Variants in LAMA4 observed in about 807,000 individuals in gnomAD.
The protein encoded by LAMA4 is laminin subunit alpha-4.
In LAMA4, 127 loss-of-function variants were observed where a neutral mutation model predicts 207.1. The ratio of observed to expected loss-of-function variants is 0.61; its 90% confidence interval spans 0.53 to 0.71. The LOEUF (loss-of-function observed/expected upper bound fraction) is 0.71, where lower values mean the gene tolerates loss of function less well. Among genes scored for constraint, LAMA4 ranks in the 30% least tolerant of loss-of-function variants. The pLI is 0.00. For synonymous variants in LAMA4, 761 were observed against 816.0 expected, an observed-to-expected ratio of 0.93 and a Z score of 1.15; for missense variants, 2,093 against 2,246.5, an observed-to-expected ratio of 0.93 and a Z score of 1.38.
At chr6:112,155,751 G>T (rs1554336811) in intron 14 of LAMA4, 45 bp from the exon 15 acceptor site, 1 of 1,599,940 alleles carries the variant, frequency 6.3e-7, no homozygotes, top group East Asian at 2.2e-5. Flanking sequence ...TACCTTCTTG[G>T]GGAATGGGGC....
intron 8 of LAMA4, chr6:112,186,921 C>T (rs1554346830): frequency 2.2e-6 from 1 of 454,512 alleles, no homozygotes; most frequent in African/African-American, 2.0e-5. Flanking sequence ...TGAGGAGAAA[C>T]AAGGTGTGTG....
At chr6:112,139,397 C>A (rs781935676) in intron 23 of LAMA4, 106 bp from the exon 24 acceptor site, 1 of 1,213,182 alleles carries the variant, frequency 8.2e-7, no homozygotes, top group Non-Finnish European at 1.2e-6. Context: ...GACCTTACAA[C>A]ATTTAAATGA....
Position 112,132,881 on chromosome 6 carries a change from T to C in LAMA4, c.3706A>G (p.Arg1236Gly), listed in dbSNP as rs781792554. ...AAGCTCTGTCCATTGAAATATGCTC[T>C]GCGAGATATCTGTGTGCCAGAACAA... The part of the protein sequence containing the change: ...GCPEDSLISR[R>G]AYFNGQSFIA... Residue 1236 changes from arginine to glycine, a missense_variant, in exon 28 of 39, where the codon AGA becomes GGA. Physicochemically the swap from Arg to Gly is moderately radical, Grantham distance 125 (BLOSUM62 -2). Around this residue, in one of 3 missense-constraint regions of LAMA4, gnomAD observed 1,704 missense variants for 1,788.4 expected, o/e 0.95. Coordinates refer to ENST00000230538, the MANE Select transcript of LAMA4 (RefSeq NM_001105206.3). 6.2e-7 allele frequency: 1 copy of C among 1,613,048 alleles called. No individual in the cohort carries two copies. Among genetic ancestry groups the C allele is most frequent in the South Asian group, 1.1e-5 (1 of 91,066 alleles).
intron 6 of LAMA4, among the ~76,000 whole-genome samples, chr6:112,191,161 T>C (rs1341317389): frequency 4.6e-5 from 7 of 151,868 alleles, no homozygotes; most frequent in Non-Finnish European, 1.0e-4. Context: ...TTTGTATTTT[T>C]AGTAGAGACA....
At chr6:112,206,977 C>T (rs972897969) in intron 4 of LAMA4, 44 bp downstream of exon 4, 6 of 1,611,372 alleles carry the variant, frequency 3.7e-6, no homozygotes, top group Non-Finnish European at 5.1e-6. Flanking sequence ...CAAAACAATA[C>T]ATAGACTGAT....
intron 13 of LAMA4, among the ~76,000 whole-genome samples, chr6:112,161,859 T>C (rs782763148): frequency 2.0e-5 from 3 of 152,040 alleles, no homozygotes; most frequent in Non-Finnish European, 4.4e-5. Context: ...GAGGAGTTTG[T>C]TGGGCTGGAG....
rs587606610 is a variant in LAMA4, at chr6:112,119,975, A to G, written c.4665+308T>C. 2.6e-5 allele frequency among the ~76,000 whole-genome samples: 4 copies of G among 152,344 alleles called. No individual in the cohort carries two copies. The East Asian group carries it at 5.8e-4, about 22-fold the overall frequency. ...CAGCTTAGCCAATAAAAGACACTCA[A>G]TAATAATTGCTGAAAAGTAAAAACC... On this transcript the variant is annotated intron_variant, in intron 33 of 38. Transcript: ENST00000230538.
chr6:112,147,669 G>A (rs1457412833), intron 18 of LAMA4, among the ~76,000 whole-genome samples: 3 of 152,146 alleles, frequency 2.0e-5, no homozygotes, highest in African/African-American at 4.8e-5. Context: ...TGGCCAACAC[G>A]CTGTTCTTAA....
At chr6:112,156,409 C>T (rs1780715316) in intron 14 of LAMA4, among the ~76,000 whole-genome samples, 1 of 152,088 alleles carries the variant, frequency 6.6e-6, no homozygotes, top group African/African-American at 2.4e-5. Context: ...GTATACCATG[C>T]CTGGCATCTG....
At chr6:112,240,188 A>C (rs1238142055) in intron 2 of LAMA4, among the ~76,000 whole-genome samples, 1 of 152,138 alleles carries the variant, frequency 6.6e-6, no homozygotes, top group Non-Finnish European at 1.5e-5. Context: ...GTCCTGATTG[A>C]CATACTCTGT....
intron 12 of LAMA4, 40 bp from the exon 13 acceptor site, chr6:112,165,316 T>A: frequency 7.6e-7 from 1 of 1,324,238 alleles, no homozygotes; most frequent in Non-Finnish European, 1.1e-6. Flanking sequence ...AGTGAATATG[T>A]CTTTAGGGAA....
chr6:112,148,317 C>T lies in LAMA4; in HGVS notation c.2193G>A (p.Leu731=). The part of the protein sequence containing the change: ...AAERGDAQQR[L]GQSRLITEEA... The stretch of plus-strand genomic sequence containing the variant: ...CCTCGGTGATCAGTCTAGACTGCCC[C>T]AGGCGCTGCTGGGCATCCCCTTTAC... The change falls in exon 18 of 39, where the codon CTG becomes CTA. Residue 731 remains leucine, a synonymous_variant. Coordinates refer to ENST00000230538, the MANE Select transcript of LAMA4 (RefSeq NM_001105206.3). The T allele has an allele frequency of 6.2e-7, 1 of 1,614,152 alleles. No individual in the cohort carries two copies. The highest frequency in any genetic ancestry group is 1.1e-5 in the South Asian group (1 of 91,064).
chr6:112,252,137 C>CT (rs1787506729), intron 2 of LAMA4, among the ~76,000 whole-genome samples: 1 of 152,216 alleles, frequency 6.6e-6, no homozygotes, highest in African/African-American at 2.4e-5. Context: ...GCTAAGCACT[C>CT]TATTTTATCT....
chr6:112,200,897 G>A (rs1281255257), intron 5 of LAMA4, among the ~76,000 whole-genome samples: 1 of 152,138 alleles, frequency 6.6e-6, no homozygotes, highest in East Asian at 1.9e-4. Flanking sequence ...TGGGGGGCAA[G>A]GGGAGGGATA....
Position 112,115,959 on chromosome 6 carries a change from A to C in LAMA4, c.5016T>G (p.Ile1672Met). 6.2e-7 allele frequency: 1 copy of C among 1,613,458 alleles called. No individual in the cohort carries two copies. The highest frequency in any genetic ancestry group is 1.1e-5 in the South Asian group (1 of 91,070). Residue 1672 changes from isoleucine (I) to methionine (M), a missense_variant, in exon 36 of 39, where the codon ATT becomes ATG. Physicochemically the swap from Ile to Met is conservative, Grantham distance 10 (BLOSUM62 1). Around this residue, in one of 3 missense-constraint regions of LAMA4, gnomAD observed 383 missense variants for 437.8 expected, o/e 0.87. Transcript: ENST00000230538. ...ESFNIGLKFEIAFEVRPRSSS... is the reference protein window; with the variant it reads ...ESFNIGLKFEMAFEVRPRSSS... ...TGCTTCTGGGACGGACTTCAAATGC[A>C]ATTTCAAACTTCAATCCAATATTGA...
intron 7 of LAMA4, 108 bp from the exon 8 acceptor site, chr6:112,187,709 T>C (rs1227906501): frequency 2.6e-6 from 3 of 1,135,160 alleles, no homozygotes; most frequent in Non-Finnish European, 3.9e-6. Context: ...ATTTTTATTT[T>C]TGTCTCATGA....
chr6:112,225,308 CTTATA>C (rs1785151529), intron 2 of LAMA4, among the ~76,000 whole-genome samples: 1 of 152,120 alleles, frequency 6.6e-6, no homozygotes, highest in African/African-American at 2.4e-5. Flanking sequence ...TCTTTTTCTC[CTTATA>C]TTATGTTTAT....
chr6:112,185,485 T>A, intron 8 of LAMA4, 138 bp from the exon 9 acceptor site: 1 of 650,944 alleles, frequency 1.5e-6, no homozygotes. Flanking sequence ...CGCAGGCTGC[T>A]GCAGCCTGAT....
intron 2 of LAMA4, among the ~76,000 whole-genome samples, chr6:112,231,913 T>C (rs1330765467): frequency 1.3e-5 from 2 of 152,226 alleles, no homozygotes; most frequent in African/African-American, 4.8e-5. Flanking sequence ...GATTGTGTGT[T>C]GAACTCCCAC....
Sources: gnomAD v4.1 joint callset for allele counts (sites outside exome capture counted in the v4.1 genomes callset) on GRCh38, gnomAD v4.1.1 for gene constraint, gnomAD v4.1.1 regional missense constraint, MANE v1.5 for transcripts, NCBI Gene and HGNC (gene_info 2026-07-23, HGNC 2026-07-21) for gene names.